Variants in STIM2 observed in about 807,000 individuals in gnomAD.
The protein encoded by STIM2 is stromal interaction molecule 2.
STIM2 carries 31 observed loss-of-function variants against 85.8 expected under a neutral mutation model. That is an observed-to-expected ratio of 0.36 (90% CI 0.27 to 0.49). The LOEUF is 0.49. Ranked by LOEUF, STIM2 falls within the 20% of genes least tolerant of loss-of-function variation. STIM2 has a pLI of 0.98. For missense variants in STIM2, 841 were observed against 927.6 expected (o/e 0.91, Z 1.21); for synonymous variants, 356 against 331.1 (o/e 1.08, Z -0.82).
At chr4:26,871,978 C>T (rs1396270602) in intron 1 of STIM2, among the ~76,000 whole-genome samples, 2 of 152,124 alleles carry the variant, frequency 1.3e-5, no homozygotes, top group Non-Finnish European at 2.9e-5. Context: ...CCTAAATTTC[C>T]TTATCTCTAA....
intron 1 of STIM2, among the ~76,000 whole-genome samples, chr4:26,879,832 G>C (rs924893954): frequency 6.6e-6 from 1 of 151,998 alleles, no homozygotes; most frequent in Non-Finnish European, 1.5e-5. Flanking sequence ...GGCCCTCATC[G>C]CCCACATTCT....
At chr4:26,985,816 T>A (rs1475376592) in intron 3 of STIM2, among the ~76,000 whole-genome samples, 1 of 152,252 alleles carries the variant, frequency 6.6e-6, no homozygotes, top group Non-Finnish European at 1.5e-5. Flanking sequence ...AACAAGCCAG[T>A]TGCTTTCTTA....
chr4:26,973,685 G>A (rs972190648), intron 3 of STIM2, among the ~76,000 whole-genome samples: 1 of 152,170 alleles, frequency 6.6e-6, no homozygotes, highest in Non-Finnish European at 1.5e-5. Context: ...GAATAAGTGC[G>A]ATGTGGTGCT....
At chr4:27,019,425 C>G in intron 11 of STIM2, 8 of 1,289,664 alleles carry the variant, frequency 6.2e-6, no homozygotes, top group Non-Finnish European at 8.1e-6. Flanking sequence ...CAGCAAGATG[C>G]CTTTACTGAC....
At chr4:26,895,546 T>A (rs542007116) in intron 1 of STIM2, among the ~76,000 whole-genome samples, 2 of 152,300 alleles carry the variant, frequency 1.3e-5, no homozygotes, top group East Asian at 3.9e-4. Context: ...AAGGCAAGAT[T>A]TTGACCTTAA....
chr4:26,992,383 T>C (rs1174148614), intron 3 of STIM2, among the ~76,000 whole-genome samples: 3 of 151,980 alleles, frequency 2.0e-5, no homozygotes, highest in African/African-American at 4.8e-5. Context: ...TAAGTAGTTA[T>C]AGTTATTTAA....
rs559374665 is a variant in STIM2 at position 26,938,499 on chromosome 4, A to C, written c.282+18865A>C. Among the ~76,000 whole-genome samples, 3 of 152,276 alleles carry C rather than the reference A, an allele frequency of 2.0e-5. No individual in the cohort carries two copies. In the East Asian group the frequency reaches 5.8e-4, roughly 29 times the overall value. On this transcript the variant is annotated intron_variant, in intron 2 of 11. Coordinates refer to ENST00000467087, the MANE Select transcript of STIM2 (RefSeq NM_020860.4). ...GGTAACCAAGTTTTCATAACTGAAG[A>C]ATTTTATATAATAGTCTTAAGTTTT... is the stretch of plus-strand genomic sequence containing the variant.
intron 11 of STIM2, chr4:27,021,759 C>G: frequency 2.5e-6 from 1 of 406,618 alleles, no homozygotes; most frequent in South Asian, 1.8e-5. Context: ...CTGGCTGTTG[C>G]AGAGGAAGGA....
intron 1 of STIM2, among the ~76,000 whole-genome samples, chr4:26,901,002 C>T (rs541895360): frequency 1.3e-5 from 2 of 152,280 alleles, no homozygotes; most frequent in East Asian, 3.9e-4. Context: ...GATCCTTGTC[C>T]CTTGGTCTGT....
At chr4:26,991,932 C>T (rs1470830173) in intron 3 of STIM2, among the ~76,000 whole-genome samples, 1 of 152,094 alleles carries the variant, frequency 6.6e-6, no homozygotes, top group Admixed American at 6.6e-5. Context: ...ATTTCTGTAG[C>T]TCTGCAGATT....
chr4:27,008,018 C>T, intron 8 of STIM2: 1 of 716,728 alleles, frequency 1.4e-6, no homozygotes, highest in South Asian at 1.5e-5. Context: ...TTAGTAGTTA[C>T]TGGAAATTAA....
chr4:26,956,956 G>A (rs1726268682), intron 2 of STIM2, among the ~76,000 whole-genome samples: 1 of 152,186 alleles, frequency 6.6e-6, no homozygotes, highest in Non-Finnish European at 1.5e-5. Context: ...TAGGACTGTC[G>A]TAAAGGTAAA....
chr4:26,950,658 T>A (rs1437888261), intron 2 of STIM2, among the ~76,000 whole-genome samples: 2 of 152,170 alleles, frequency 1.3e-5, no homozygotes, highest in Non-Finnish European at 2.9e-5. Flanking sequence ...TCCAGAACTG[T>A]GAGAAAAATA....
chr4:27,025,345 G>T lies in STIM2; in HGVS notation c.*2349G>T, dbSNP rs13152346. The T allele has an allele frequency of 1.4e-5, 2 of 144,238 alleles. No individual in the cohort carries two copies. The allele number at this position is 144,238 out of a possible 1,614,324, so 8.9% of individuals were successfully genotyped here. On this transcript the variant is annotated 3_prime_UTR_variant, in exon 12 of 12. Transcript: ENST00000467087. ...TACTTTAACATTTTAAAATTATGGTGTTTTCCTGATTTTAAAAGCAATATT... is the reference window on the plus strand; with the variant it reads ...TACTTTAACATTTTAAAATTATGGTTTTTTCCTGATTTTAAAAGCAATATT...
intron 1 of STIM2, among the ~76,000 whole-genome samples, chr4:26,887,474 A>G (rs192635056): frequency 6.6e-6 from 1 of 152,244 alleles, no homozygotes; most frequent in East Asian, 1.9e-4. Flanking sequence ...CTCCTCAGAT[A>G]CTTTGGGTGG....
intron 3 of STIM2, among the ~76,000 whole-genome samples, chr4:26,969,735 T>G (rs1560223759): frequency 6.6e-6 from 1 of 152,178 alleles, no homozygotes; most frequent in Non-Finnish European, 1.5e-5. Context: ...GGTGAAGTTT[T>G]AAGTTAGTGA....
intron 2 of STIM2, among the ~76,000 whole-genome samples, chr4:26,928,673 A>C (rs1725083757): frequency 1.3e-5 from 2 of 152,088 alleles, no homozygotes; most frequent in Admixed American, 1.3e-4. Flanking sequence ...CGTTTATCAG[A>C]TATTAAATGC....
At chr4:26,890,811 G>A (rs1723445317) in intron 1 of STIM2, among the ~76,000 whole-genome samples, 1 of 142,572 alleles carries the variant, frequency 7.0e-6, no homozygotes, top group South Asian at 2.2e-4. Context: ...GCGACAGAGC[G>A]AGACTCCGTC....
chr4:26,999,759 A>G (rs1728079761), intron 5 of STIM2, among the ~76,000 whole-genome samples: 1 of 152,190 alleles, frequency 6.6e-6, no homozygotes, highest in African/African-American at 2.4e-5. Flanking sequence ...ACACCAAGAA[A>G]ATGGATTTTT....
Sources: allele counts gnomAD v4.1 joint callset (sites outside exome capture counted in the v4.1 genomes callset), GRCh38; gene constraint gnomAD v4.1.1; transcripts MANE v1.5; gene names NCBI Gene and HGNC (gene_info 2026-07-23, HGNC 2026-07-21).